The following CUL3 variants were observed in gnomAD, a reference collection of about 807,000 sequenced individuals.
The protein encoded by CUL3 is cullin 3.
In CUL3, 19 loss-of-function variants were observed where a neutral mutation model predicts 89.1. The ratio of observed to expected loss-of-function variants is 0.21; its 90% CI spans 0.15 to 0.31. The LOEUF is 0.31. CUL3 is among the 10% of genes least tolerant of loss of function. The pLI is 1.00. For synonymous variants in CUL3, 351 were observed against 308.4 expected, an observed-to-expected ratio of 1.14 and a Z score of -1.45; for missense variants, 469 against 942.3, an observed-to-expected ratio of 0.50 and a Z score of 6.58.
In CUL3 at chr2:224,472,652, C is replaced by T. The variant is rs1201104485; in HGVS notation, c.*1593G>A. ...GTGGAAAATGTAGAGATAAAGAGCA[C>T]AAGGCTTGTAATTCTACAGTACAGA... is the stretch of plus-strand genomic sequence containing the variant. On this transcript the variant is annotated 3_prime_UTR_variant, in exon 16 of 16. Transcript: ENST00000264414. 2 of 190,852 alleles carry T rather than the reference C, an allele frequency of 1.0e-5. No homozygotes were observed. Among genetic ancestry groups the T allele is most frequent in the African/African-American group, 4.7e-5 (2 of 42,886 alleles). The allele number at this position is 190,852 out of a possible 1,614,324, so 11.8% of individuals were successfully genotyped here. A position where few individuals can be genotyped will look rare whatever the true frequency, so the allele number is the denominator to read the frequency against.
At chr2:224,524,388 TG>T (rs1254428186) in intron 3 of CUL3, among the ~76,000 whole-genome samples, 1 of 152,202 alleles carries the variant, frequency 6.6e-6, no homozygotes, top group Non-Finnish European at 1.5e-5. Flanking sequence ...AGATGTTTAC[TG>T]ATACAGCACC....
At chr2:224,548,519 A>G (rs1028586494) in intron 2 of CUL3, among the ~76,000 whole-genome samples, 4 of 152,208 alleles carry the variant, frequency 2.6e-5, no homozygotes, top group Non-Finnish European at 4.4e-5. Flanking sequence ...TAAGAAACCA[A>G]CTTTCAAAGT....
chr2:224,572,411 A>G (rs1695200600), intron 1 of CUL3, among the ~76,000 whole-genome samples: 1 of 152,078 alleles, frequency 6.6e-6, no homozygotes, highest in South Asian at 2.1e-4. Flanking sequence ...TTTGAAAGCC[A>G]AAGTGTGTGG....
rs562074190 is a variant in CUL3 at position 224,505,465 on chromosome 2, T to C, written c.1206+491A>G. On this transcript the variant is annotated intron_variant, in intron 8 of 15. Transcript: ENST00000264414. ...TGTTCAGTTTTTTTGAGACAAGGTC[T>C]TGCTCTGTCGCCCAGCATAGAGTGC... is the stretch of plus-strand genomic sequence containing the variant. Among the ~76,000 whole-genome samples, 8 of 152,226 alleles carry C rather than the reference T, an allele frequency of 5.3e-5. No homozygotes were observed. The East Asian group carries it at 7.7e-4, about 15-fold the overall frequency.
chr2:224,473,639 G>C lies in CUL3; in HGVS notation c.*606C>G, dbSNP rs1264016131. The C allele has an allele frequency of 5.4e-6, 1 of 186,250 alleles. No homozygotes were observed. The highest frequency in any genetic ancestry group is 1.1e-5 in the Non-Finnish European group (1 of 87,924). 11.5% of individuals were successfully genotyped at this position (186,250 alleles called of 1,614,324 possible). A position where few individuals can be genotyped will look rare whatever the true frequency, so the allele number is the denominator to read the frequency against. On this transcript the variant is annotated 3_prime_UTR_variant, in exon 16 of 16. Transcript: ENST00000264414. ...AGAAACCAAATCAGGATGTGTACTT[G>C]AGCCCAAAACAAAGGTTCCTGGTCA...
At chr2:224,522,484 T>C in intron 3 of CUL3, among the ~76,000 whole-genome samples, 1 of 152,188 alleles carries the variant, frequency 6.6e-6, no homozygotes, top group Non-Finnish European at 1.5e-5. Flanking sequence ...ATAAATTTGG[T>C]AGAGAAGCAT....
intron 13 of CUL3, among the ~76,000 whole-genome samples, chr2:224,492,970 C>A (rs1404705864): frequency 6.6e-6 from 1 of 152,112 alleles, no homozygotes; most frequent in African/African-American, 2.4e-5. Context: ...GAAACTAAGG[C>A]CACTTAACAA....
At chr2:224,561,569 G>A (rs1370464751) in intron 1 of CUL3, among the ~76,000 whole-genome samples, 1 of 152,148 alleles carries the variant, frequency 6.6e-6, no homozygotes, top group Admixed American at 6.6e-5. Context: ...AAGAGCTTGA[G>A]AAGGAACTTT....
rs1476575444 is a variant in CUL3 at position 224,471,840 on chromosome 2, T to C, written c.*2405A>G. The C allele has an allele frequency of 4.4e-6, 1 of 229,736 alleles. No individual in the cohort carries two copies. Among genetic ancestry groups the C allele is most frequent in the African/African-American group, 2.2e-5 (1 of 45,242 alleles). The allele number at this position is 229,736 out of a possible 1,614,324, so 14.2% of individuals were successfully genotyped here. A position where few individuals can be genotyped will look rare whatever the true frequency, so the allele number is the denominator to read the frequency against. On this transcript the variant is annotated 3_prime_UTR_variant, in exon 16 of 16. Transcript: ENST00000264414. ...TGAAGAGATGACATGATTTTTGCAGTTGAAAAACTATGTATCCACCCTCCT... is the reference window on the plus strand; with the variant it reads ...TGAAGAGATGACATGATTTTTGCAGCTGAAAAACTATGTATCCACCCTCCT...
intron 1 of CUL3, among the ~76,000 whole-genome samples, chr2:224,569,316 A>C (rs1183160215): frequency 1.3e-5 from 2 of 152,220 alleles, no homozygotes; most frequent in African/African-American, 2.4e-5. Flanking sequence ...AGATGTATAC[A>C]GGACCCTTCC....
chr2:224,524,708 G>A (rs1444397072), intron 3 of CUL3, among the ~76,000 whole-genome samples: 1 of 151,960 alleles, frequency 6.6e-6, no homozygotes, highest in Non-Finnish European at 1.5e-5. Flanking sequence ...TTGGAGGAAG[G>A]TATCATGCAG....
chr2:224,494,168 A>G (rs969080712), intron 13 of CUL3, among the ~76,000 whole-genome samples: 1 of 152,180 alleles, frequency 6.6e-6, no homozygotes, highest in African/African-American at 2.4e-5. Flanking sequence ...AAATGGGAGT[A>G]TGGACATGAA....
Position 224,472,097 on chromosome 2 carries a change from G to T in CUL3, c.*2148C>A, listed in dbSNP as rs952330414. 7 of 229,554 alleles carry T rather than the reference G, an allele frequency of 3.0e-5. No individual in the cohort carries two copies. The highest frequency in any genetic ancestry group is 1.6e-4 in the African/African-American group (7 of 45,122). 14.2% of individuals were successfully genotyped at this position (229,554 alleles called of 1,614,324 possible). Reference sequence around the variant, plus strand: ...TTGTGTGACCAGTTTTTTCAGTGCAGCATCACATCGCCAGCAATCTCCAAC... The same window carrying T: ...TTGTGTGACCAGTTTTTTCAGTGCATCATCACATCGCCAGCAATCTCCAAC... On this transcript the variant is annotated 3_prime_UTR_variant, in exon 16 of 16. Coordinates refer to ENST00000264414, the MANE Select transcript of CUL3 (RefSeq NM_003590.5).
chr2:224,565,201 A>G (rs181716189), intron 1 of CUL3, among the ~76,000 whole-genome samples: 65 of 152,352 alleles, frequency 4.3e-4, no homozygotes, highest in Admixed American at 7.8e-4. Context: ...TGTATGTTAC[A>G]TGTATTACAC....
At chr2:224,521,453 C>G (rs1416086952) in intron 3 of CUL3, among the ~76,000 whole-genome samples, 1 of 147,470 alleles carries the variant, frequency 6.8e-6, no homozygotes. Flanking sequence ...TTTTTTGAGA[C>G]AGAGTCTCGC....
intron 15 of CUL3, among the ~76,000 whole-genome samples, chr2:224,475,608 G>A (rs1574606328): frequency 6.6e-6 from 1 of 152,038 alleles, no homozygotes. Context: ...GCCCTTCCAG[G>A]ATTACCACTC....
At chr2:224,560,836 T>C (rs1235297781) in intron 1 of CUL3, among the ~76,000 whole-genome samples, 2 of 152,216 alleles carry the variant, frequency 1.3e-5, no homozygotes, top group Admixed American at 6.5e-5. Flanking sequence ...GTCAAAGTCC[T>C]TACAATGTTC....
intron 3 of CUL3, among the ~76,000 whole-genome samples, chr2:224,520,451 C>T (rs1303125858): frequency 6.6e-6 from 1 of 152,202 alleles, no homozygotes; most frequent in Admixed American, 6.5e-5. Flanking sequence ...TCATTTGTAA[C>T]ATAACATCTA....
At chr2:224,477,617 C>T (rs532487364) in intron 15 of CUL3, among the ~76,000 whole-genome samples, 1 of 152,312 alleles carries the variant, frequency 6.6e-6, no homozygotes, top group African/African-American at 2.4e-5. Flanking sequence ...ATTACATTAC[C>T]CTTCTCTTTT....
Sources: allele counts gnomAD v4.1 joint callset (sites outside exome capture counted in the v4.1 genomes callset), GRCh38; gene constraint gnomAD v4.1.1; transcripts MANE v1.5; gene names NCBI Gene and HGNC (gene_info 2026-07-23, HGNC 2026-07-21).